SPTB: variants seen among roughly 807,000 people sequenced by gnomAD.
The protein encoded by SPTB is spectrin beta chain, erythrocytic.
In SPTB, 45 loss-of-function variants were observed where a neutral mutation model predicts 256.2. The ratio of observed to expected loss-of-function variants is 0.18; its 90% CI spans 0.14 to 0.23. The LOEUF (loss-of-function observed/expected upper bound fraction) is 0.23, where lower values mean the gene tolerates loss of function less well. Among genes scored for constraint, SPTB ranks in the 10% least tolerant of loss-of-function variants. The pLI, the probability that SPTB is intolerant of heterozygous loss-of-function variation, is 1.00. For synonymous variants in SPTB, 1,231 were observed against 1,243.1 expected, an observed-to-expected ratio of 0.99 and a Z score of 0.21; for missense variants, 2,715 against 3,040.4, an observed-to-expected ratio of 0.89 and a Z score of 2.52.
In SPTB at chr14:64,777,640, T is replaced by C. The variant is rs2082383604; in HGVS notation, c.4563+1517A>G. On this transcript the variant is annotated intron_variant, in intron 22 of 35. Transcript: ENST00000644917. This position sits in a 1 kb window ranked among gnomAD's most constrained non-coding sequence, Gnocchi z 4.5. ...AATTATTAGGCTCTACCCCCAGAGC[T>C]TGATGCAGTAGGGATCTGGGGGTGG... 6.6e-6 allele frequency among the ~76,000 whole-genome samples: 1 copy of C among 152,174 alleles called. No individual in the cohort carries two copies. Among genetic ancestry groups the C allele is most frequent in the African/African-American group, 2.4e-5 (1 of 41,442 alleles).
chr14:64,822,883 G>A, intron 2 of SPTB, 64 bp downstream of exon 2: 2 of 1,597,436 alleles, frequency 1.3e-6, no homozygotes, highest in East Asian at 2.2e-5. Flanking sequence ...CACACTAGGT[G>A]GGGAGGGCTG....
At chr14:64,851,948 T>C (rs1378723650) in intron 1 of SPTB, among the ~76,000 whole-genome samples, 1 of 152,074 alleles carries the variant, frequency 6.6e-6, no homozygotes, top group East Asian at 1.9e-4. Flanking sequence ...TTGATTGATA[T>C]GTGCAGAAAA....
rs761039139 is a variant in SPTB at position 64,796,755 on chromosome 14, G to T, written c.1183-40C>A. 3.7e-6 allele frequency: 6 copies of T among 1,613,254 alleles called. No homozygotes were observed. The highest frequency in any genetic ancestry group is 5.1e-6 in the Non-Finnish European group (6 of 1,179,886). On this transcript the variant is annotated intron_variant, in intron 10 of 35. Transcript: ENST00000644917. The surrounding 1 kb of genome is among the most constrained non-coding windows in gnomAD (Gnocchi z 4.1). ...GAATGAGAATTCTTGGGGCACAGGA[G>T]AAATGCCTCACTTTGGGGGCTCCAC...
At chr14:64,814,786 A>G (rs1037262099) in intron 2 of SPTB, among the ~76,000 whole-genome samples, 6 of 152,382 alleles carry the variant, frequency 3.9e-5, no homozygotes, top group Non-Finnish European at 2.9e-5. Context: ...GATTACAGGC[A>G]TGAGCCACTG....
At chr14:64,766,080 A>G (rs1435249141) in intron 32 of SPTB, among the ~76,000 whole-genome samples, 7 of 99,152 alleles carry the variant, frequency 7.1e-5, no homozygotes, top group African/African-American at 2.7e-4. Flanking sequence ...TGTGGTCTGT[A>G]TGAGTATGCG....
In SPTB at chr14:64,866,665, T is replaced by C. The variant is rs1377942634; in HGVS notation, c.-52+13127A>G. On this transcript the variant is annotated intron_variant, in intron 1 of 35. Coordinates refer to ENST00000644917, the MANE Select transcript of SPTB (RefSeq NM_001355436.2). The surrounding 1 kb of genome is among the most constrained non-coding windows in gnomAD (Gnocchi z 4.6). ...AAGGAACAAAACATGCTCAGAGGCC[T>C]GAGCAAGCAGAATTCGGGTGAGTCC... 6.6e-6 allele frequency among the ~76,000 whole-genome samples: 1 copy of C among 152,050 alleles called. No homozygotes were observed. Among genetic ancestry groups the C allele is most frequent in the Non-Finnish European group, 1.5e-5 (1 of 68,030 alleles).
chr14:64,865,576 T>A (rs1570296), intron 1 of SPTB, among the ~76,000 whole-genome samples: 123,098 of 151,976 alleles, frequency 0.81, 51,337 homozygotes, highest in Non-Finnish European at 0.91. Context: ...AAGGCTGCCA[T>A]TGGAGTTGCT....
Position 64,824,101 on chromosome 14 carries a change from C to T in SPTB, c.-51-956G>A, listed in dbSNP as rs2083341507. 6.6e-6 allele frequency among the ~76,000 whole-genome samples: 1 copy of T among 152,150 alleles called. No individual in the cohort carries two copies. Among genetic ancestry groups the T allele is most frequent in the South Asian group, 2.1e-4 (1 of 4,832 alleles). On this transcript the variant is annotated intron_variant, in intron 1 of 35. Transcript: ENST00000644917. This position sits in a 1 kb window ranked among gnomAD's most constrained non-coding sequence, Gnocchi z 5.7. The stretch of plus-strand genomic sequence containing the variant: ...GCAAGTAAGACAGGAAAGTCATGTC[C>T]TCACAGAGCTTGGAATCTGGTGGCA...
Position 64,780,562 on chromosome 14 carries a change from T to C in SPTB, c.4267-631A>G, listed in dbSNP as rs527237792. ...CAGAGTAGCTGGGATCATAGGCGTG[T>C]GCCACCACACTCAGCTAGTTTTGTA... On this transcript the variant is annotated intron_variant, in intron 20 of 35. Transcript: ENST00000644917. Among the ~76,000 whole-genome samples the C allele has an allele frequency of 3.5e-4, 53 of 152,310 alleles. 1 individual carries two copies. Among genetic ancestry groups the C allele is most frequent in the African/African-American group, 1.3e-3 (52 of 41,560 alleles).
At position 64,749,615 on chromosome 14, in the gene SPTB, C is replaced by G. The variant is rs375124101; in HGVS notation, c.6819+39G>C. Reference sequence around the variant, plus strand: ...GCGGCCTGGGGTCCTCCACCTACCCCCTTCTTAGCCAGGTCTGGGCTAGGC... The same window carrying G: ...GCGGCCTGGGGTCCTCCACCTACCCGCTTCTTAGCCAGGTCTGGGCTAGGC... On this transcript the variant is annotated intron_variant, in intron 35 of 35. Coordinates refer to ENST00000644917, the MANE Select transcript of SPTB (RefSeq NM_001355436.2). This position sits in a 1 kb window ranked among gnomAD's most constrained non-coding sequence, Gnocchi z 4.7. 2.5e-6 allele frequency: 4 copies of G among 1,612,772 alleles called. No individual in the cohort carries two copies. The highest frequency in any genetic ancestry group is 2.5e-6 in the Non-Finnish European group (3 of 1,179,884).
intron 10 of SPTB, 71 bp downstream of exon 10, chr14:64,797,658 A>T: frequency 8.4e-7 from 1 of 1,193,974 alleles, no homozygotes; most frequent in Admixed American, 1.7e-5. Flanking sequence ...TGGTCCAATG[A>T]CCATTCACTG....
chr14:64,857,022 G>A (rs1173014778), intron 1 of SPTB, among the ~76,000 whole-genome samples: 3 of 152,170 alleles, frequency 2.0e-5, no homozygotes, highest in Admixed American at 6.5e-5. Context: ...GAAACCCTTT[G>A]AGGGATTAGC....
rs1047765 is a variant in SPTB at position 64,786,874 on chromosome 14, C to A, written c.3091G>T (p.Asp1031Tyr). 61 of 1,612,938 alleles carry A rather than the reference C, an allele frequency of 3.8e-5. No individual in the cohort carries two copies. The highest frequency in any genetic ancestry group is 1.3e-5 in the African/African-American group (1 of 74,906). Reference sequence around the variant, plus strand: ...AAGTGTTTTTGCCGCTGACCAATATCCTCCTTCTGCTCAGGGTGCGAGTCC... The same window carrying A: ...AAGTGTTTTTGCCGCTGACCAATATACTCCTTCTGCTCAGGGTGCGAGTCC... Reference protein sequence around the residue: ...LMDSHPEQKEDIGQRQKHLEE... With the variant: ...LMDSHPEQKEYIGQRQKHLEE... The change falls in exon 16 of 36, where the codon GAT (aspartate) becomes TAT (tyrosine). Residue 1031 changes from aspartate (D) to tyrosine (Y), a missense_variant. Transcript: ENST00000644917. The surrounding 1 kb of genome is among the most constrained non-coding windows in gnomAD (Gnocchi z 5.6).
intron 1 of SPTB, among the ~76,000 whole-genome samples, chr14:64,854,728 G>T (rs964679710): frequency 2.0e-5 from 3 of 152,108 alleles, no homozygotes; most frequent in African/African-American, 7.2e-5. Context: ...TGAGGGGAAG[G>T]CTCCTCGGAT....
At chr14:64,832,366 C>T (rs1421651657) in intron 1 of SPTB, among the ~76,000 whole-genome samples, 10 of 152,200 alleles carry the variant, frequency 6.6e-5, no homozygotes, top group Admixed American at 6.5e-5. Context: ...TTCCAAGACA[C>T]GCTCCTTGTT....
Position 64,841,349 on chromosome 14 carries a change from CA to C in SPTB, c.-51-18205del, listed in dbSNP as rs1255595399. 6.6e-6 allele frequency among the ~76,000 whole-genome samples: 1 copy of C among 152,170 alleles called. No homozygotes were observed. The highest frequency in any genetic ancestry group is 1.5e-5 in the Non-Finnish European group (1 of 68,032). ...AACCCAGCCAGACCCAAGCCCTCTG[CA>C]GGAAGGAATGTGGAGATCAAAGGAG... On this transcript the variant is annotated intron_variant, in intron 1 of 35. Coordinates refer to ENST00000644917, the MANE Select transcript of SPTB (RefSeq NM_001355436.2). This position sits in a 1 kb window ranked among gnomAD's most constrained non-coding sequence, Gnocchi z 4.6.
rs748167525 is a variant in SPTB, at chr14:64,786,560, C to G, written c.3405G>C (p.Glu1135Asp). The change falls in exon 16 of 36, where the codon GAG becomes GAC. Residue 1135 changes from glutamate to aspartate, a missense_variant. Physicochemically the swap from Glu to Asp is conservative, Grantham distance 45. Coordinates refer to ENST00000644917, the MANE Select transcript of SPTB (RefSeq NM_001355436.2). The surrounding 1 kb of genome is among the most constrained non-coding windows in gnomAD (Gnocchi z 5.6). ...EKVIQGQTDP[E>D]YLLLGQRLEG... ...CCAGCCGCTGGCCCAGAAGCAGATACTCTGGGTCCGTCTGGCCTTGGATCA... is the reference window on the plus strand; with the variant it reads ...CCAGCCGCTGGCCCAGAAGCAGATAGTCTGGGTCCGTCTGGCCTTGGATCA... 5.0e-6 allele frequency: 8 copies of G among 1,614,106 alleles called. No homozygotes were observed. Among genetic ancestry groups the G allele is most frequent in the African/African-American group, 1.3e-5 (1 of 74,938 alleles).
rs150709293 is a variant in SPTB at position 64,772,727 on chromosome 14, G to A, written c.5406C>T (p.Tyr1802=). 8.1e-5 allele frequency: 131 copies of A among 1,613,816 alleles called. No homozygotes were observed. The highest frequency in any genetic ancestry group is 1.1e-4 in the Non-Finnish European group (126 of 1,180,016). ...LLAASYDLHR[Y]FYTGAEILGL... ...CCAGGATCTCGGCACCCGTGTAGAA[G>A]TAGCGGTGCAGGTCATAGGAGGCGG... The change falls in exon 26 of 36, where the codon TAC becomes TAT. Residue 1802 remains tyrosine, a synonymous_variant. Coordinates refer to ENST00000644917, the MANE Select transcript of SPTB (RefSeq NM_001355436.2). The surrounding 1 kb of genome is among the most constrained non-coding windows in gnomAD (Gnocchi z 5.4).
rs1362803542 is a variant in SPTB, at chr14:64,816,719, CCTT to C, written c.148+6225_148+6227del. ...CCAGAGACTCGGCTGCTACTAGCCTCCTTGTCACTCTGTCTCAGTGACATGTTA... is the reference window on the plus strand; with the variant it reads ...CCAGAGACTCGGCTGCTACTAGCCTCGTCACTCTGTCTCAGTGACATGTTA... On this transcript the variant is annotated intron_variant, in intron 2 of 35. Coordinates refer to ENST00000644917, the MANE Select transcript of SPTB (RefSeq NM_001355436.2). The surrounding 1 kb of genome is among the most constrained non-coding windows in gnomAD (Gnocchi z 4.2). 2.6e-5 allele frequency among the ~76,000 whole-genome samples: 4 copies of C among 152,182 alleles called. No individual in the cohort carries two copies. The highest frequency in any genetic ancestry group is 6.5e-5 in the Admixed American group (1 of 15,274).
Sources: gnomAD v4.1 joint callset for allele counts (sites outside exome capture counted in the v4.1 genomes callset) on GRCh38, gnomAD v4.1.1 for gene constraint, Gnocchi (gnomAD v3.1) non-coding constraint, MANE v1.5 for transcripts, NCBI Gene and HGNC (gene_info 2026-07-23, HGNC 2026-07-21) for gene names.